GPC3: variants seen among roughly 807,000 people sequenced by gnomAD.
GPC3 encodes the protein glypican-3.
A neutral mutation model predicts 34.4 loss-of-function variants in GPC3; 3 were observed. The observed-to-expected ratio is 0.09, with a 90% confidence interval of 0.04 to 0.23. The LOEUF is 0.23. Ranked by LOEUF, GPC3 falls within the 10% of genes least tolerant of loss-of-function variation. The probability of loss-of-function intolerance (pLI) is 1.00; values close to 1 mark genes in which losing one functional copy is unlikely to be tolerated. For synonymous variants in GPC3, 177 were observed against 174.0 expected, an observed-to-expected ratio of 1.02 and a Z score of -0.13; for missense variants, 351 against 445.6, an observed-to-expected ratio of 0.79 and a Z score of 1.91.
At chrX:133,690,273 G>A (rs1020976524) in intron 5 of GPC3, among the ~76,000 whole-genome samples, 1 of 111,447 alleles carries the variant, frequency 9.0e-6, no homozygotes, top group African/African-American at 3.3e-5. Flanking sequence ...GAGGAGGAGT[G>A]AAGGGGAAAG....
At chrX:133,657,634 C>A (rs1333541044) in intron 6 of GPC3, among the ~76,000 whole-genome samples, 4 of 111,660 alleles carry the variant, frequency 3.6e-5, no homozygotes, top group South Asian at 7.5e-4. Context: ...GAACATTCCA[C>A]ACCTGTAGGC....
In GPC3 at chrX:133,705,861, G is replaced by A. The variant is rs1334730771; in HGVS notation, c.1033-5833C>T. On this transcript the variant is annotated intron_variant, in intron 3 of 7. Coordinates refer to ENST00000370818, the MANE Select transcript of GPC3 (RefSeq NM_004484.4). ...TCAAGTGGCAGTAAGCCAATAGTGG[G>A]ATGATTTAAATTCTTTGGTCTGCCA... Among the ~76,000 whole-genome samples the A allele has an allele frequency of 1.8e-5, 2 of 112,399 alleles. 1 individual carries two copies. The highest frequency in any genetic ancestry group is 3.8e-5 in the Non-Finnish European group (2 of 53,318).
At chrX:133,733,462 C>A (rs1426890001) in intron 3 of GPC3, among the ~76,000 whole-genome samples, 4 of 110,861 alleles carry the variant, frequency 3.6e-5, no homozygotes, top group Non-Finnish European at 7.6e-5. Flanking sequence ...TTTAAAAAAT[C>A]TAAATTGTTG....
intron 5 of GPC3, among the ~76,000 whole-genome samples, chrX:133,673,189 C>T (rs750039004): frequency 8.5e-4 from 95 of 112,299 alleles, no homozygotes; most frequent in Middle Eastern, 4.7e-3. Context: ...CCACCTGCCT[C>T]GGCCTCCCAA....
chrX:133,926,427 GA>G (rs2076274969), intron 2 of GPC3, among the ~76,000 whole-genome samples: 1 of 112,009 alleles, frequency 8.9e-6, no homozygotes, highest in South Asian at 3.8e-4. Flanking sequence ...TGACTTCTGT[GA>G]AAACAGAATC....
chrX:133,652,370 C>T (rs781067746), intron 6 of GPC3, among the ~76,000 whole-genome samples: 1 of 111,008 alleles, frequency 9.0e-6, no homozygotes, highest in Non-Finnish European at 1.9e-5. Flanking sequence ...ACAGATATTA[C>T]TCTCAGAAGT....
chrX:133,794,536 G>A (rs2075567508), intron 2 of GPC3, among the ~76,000 whole-genome samples: 1 of 111,973 alleles, frequency 8.9e-6, no homozygotes, highest in South Asian at 3.7e-4. Context: ...GGCACTATTT[G>A]TGCCTTTTAG....
At chrX:133,632,125 T>C (rs1569401311) in intron 6 of GPC3, among the ~76,000 whole-genome samples, 1 of 109,463 alleles carries the variant, frequency 9.1e-6, no homozygotes, top group Non-Finnish European at 1.9e-5. Context: ...TTTGAGACAG[T>C]GTCTCCCTCT....
chrX:133,771,278 G>A (rs939349763), intron 2 of GPC3, among the ~76,000 whole-genome samples: 3 of 112,866 alleles, frequency 2.7e-5, no homozygotes, highest in African/African-American at 9.7e-5. Flanking sequence ...GTCCATTGCT[G>A]TAATTTGGCA....
chrX:133,749,075 T>C (rs1376258138), intron 3 of GPC3, among the ~76,000 whole-genome samples: 3 of 110,957 alleles, frequency 2.7e-5, no homozygotes, highest in Non-Finnish European at 3.8e-5. Flanking sequence ...CTGGCCAACA[T>C]AGTGAAACCC....
intron 7 of GPC3, among the ~76,000 whole-genome samples, chrX:133,572,317 A>C (rs1033360747): frequency 2.7e-5 from 3 of 111,910 alleles, no homozygotes; most frequent in Non-Finnish European, 5.6e-5. Flanking sequence ...ACAACATACC[A>C]AGGCTTTTGG....
At chrX:133,602,193 G>A (rs1042439002) in intron 6 of GPC3, among the ~76,000 whole-genome samples, 2 of 111,560 alleles carry the variant, frequency 1.8e-5, no homozygotes, top group East Asian at 2.8e-4. Context: ...CCACATTCTC[G>A]CTCATATGTA....
At chrX:133,655,668 T>C (rs1163592060) in intron 6 of GPC3, among the ~76,000 whole-genome samples, 2 of 112,036 alleles carry the variant, frequency 1.8e-5, no homozygotes, top group African/African-American at 6.5e-5. Context: ...TTTCTCCTTT[T>C]ATTTAGAAAT....
intron 6 of GPC3, among the ~76,000 whole-genome samples, chrX:133,617,306 T>C (rs2070177908): frequency 8.9e-6 from 1 of 112,016 alleles, no homozygotes; most frequent in South Asian, 3.7e-4. Flanking sequence ...AGCATATACC[T>C]GTCAAAGACT....
At position 133,823,288 on chromosome X, in the gene GPC3, A is replaced by T. The variant is rs767486939; in HGVS notation, c.338-69112T>A. Among the ~76,000 whole-genome samples, 7 of 110,523 alleles carry T rather than the reference A, an allele frequency of 6.3e-5. No homozygotes were observed. The South Asian group carries it at 2.7e-3, about 43-fold the overall frequency. Reference sequence around the variant, plus strand: ...CATTATTAAAGTGATGACAAAAAAAACTACTAACCCAGAATTCTGTATCCA... The same window carrying T: ...CATTATTAAAGTGATGACAAAAAAATCTACTAACCCAGAATTCTGTATCCA... On this transcript the variant is annotated intron_variant, in intron 2 of 7. Transcript: ENST00000370818.
intron 7 of GPC3, among the ~76,000 whole-genome samples, chrX:133,593,485 G>A (rs1043716986): frequency 1.0e-4 from 11 of 109,266 alleles, no homozygotes; most frequent in African/African-American, 3.3e-4. Context: ...ACGGGGGCTA[G>A]TGGTGGGAAA....
chrX:133,625,851 T>C (rs1475240108), intron 6 of GPC3, among the ~76,000 whole-genome samples: 4 of 112,322 alleles, frequency 3.6e-5, no homozygotes, highest in African/African-American at 1.3e-4. Flanking sequence ...GAGCCTGCAT[T>C]GCCAAGACAA....
chrX:133,648,044 C>T (rs1325777757), intron 6 of GPC3, among the ~76,000 whole-genome samples: 17 of 111,746 alleles, frequency 1.5e-4, no homozygotes, highest in South Asian at 3.7e-4. Context: ...GGGCCGCACC[C>T]TACTACCTTC....
chrX:133,619,937 C>G (rs1327592622), intron 6 of GPC3, among the ~76,000 whole-genome samples: 1 of 110,745 alleles, frequency 9.0e-6, no homozygotes, highest in East Asian at 2.8e-4. Context: ...AAATTCTACT[C>G]TTGCCGGGCA....
Sources: allele counts gnomAD v4.1 joint callset (sites outside exome capture counted in the v4.1 genomes callset), GRCh38; gene constraint gnomAD v4.1.1; transcripts MANE v1.5; gene names NCBI Gene and HGNC (gene_info 2026-07-23, HGNC 2026-07-21).